The following MCF2L variants were observed in gnomAD, a reference collection of about 807,000 sequenced individuals.
The protein encoded by MCF2L is MCF.2 cell line derived transforming sequence like, also known as guanine nucleotide exchange factor DBS.
A neutral mutation model predicts 153.4 loss-of-function variants in MCF2L; 97 were observed. That is an observed-to-expected ratio of 0.63 (90% confidence interval 0.54 to 0.75). MCF2L has a LOEUF of 0.75. Among genes scored for constraint, MCF2L ranks in the 30% least tolerant of loss-of-function variants. The pLI, the probability that MCF2L is intolerant of heterozygous loss-of-function variation, is 0.00. For synonymous variants in MCF2L, 659 were observed against 632.2 expected, an observed-to-expected ratio of 1.04 and a Z score of -0.64; for missense variants, 1,347 against 1,495.2, an observed-to-expected ratio of 0.90 and a Z score of 1.64.
chr13:113,057,086 CTGAG>C (rs1253161084), intron 4 of MCF2L, among the ~76,000 whole-genome samples: 2 of 129,926 alleles, frequency 1.5e-5, no homozygotes, highest in African/African-American at 6.1e-5. Flanking sequence ...TGTTTTGGTG[CTGAG>C]TGTTTGGGTG....
chr13:113,082,669 G>A lies in MCF2L; in HGVS notation c.1991+127G>A. 4.4e-6 allele frequency: 3 copies of A among 684,176 alleles called. No homozygotes were observed. In the South Asian group the frequency reaches 5.0e-5, roughly 11 times the overall value. 42.4% of individuals were successfully genotyped at this position (684,176 alleles called of 1,614,324 possible). ...GGCTAGGGAGGGGCGCCCAAGGGGT[G>A]GACTCACAGAGGCACAGGCTTGAGT... On this transcript the variant is annotated intron_variant, in intron 17 of 29. Coordinates refer to ENST00000535094, the MANE Select transcript of MCF2L (RefSeq NM_001112732.3).
intron 7 of MCF2L, among the ~76,000 whole-genome samples, chr13:113,065,560 G>A (rs368701935): frequency 2.0e-5 from 3 of 152,258 alleles, no homozygotes; most frequent in East Asian, 1.9e-4. Flanking sequence ...CAGTGCTCAC[G>A]TGTCCACAGC....
At position 112,979,488 on chromosome 13, in the gene MCF2L, C is replaced by T. The variant is rs983014029; in HGVS notation, c.79+10030C>T. 65 of 1,435,984 alleles carry T rather than the reference C, an allele frequency of 4.5e-5. No individual in the cohort carries two copies. The African/African-American group carries it at 7.7e-4, about 17-fold the overall frequency. The allele number at this position is 1,435,984 out of a possible 1,614,324, so 89.0% of individuals were successfully genotyped here. ...TTCTTTCTTGTGAGTTGGCGAAGCC[C>T]AGAGTCACCAGGGTCCTGAGCACCT... On this transcript the variant is annotated intron_variant, in intron 1 of 29. Coordinates refer to ENST00000535094, the MANE Select transcript of MCF2L (RefSeq NM_001112732.3).
chr13:113,063,881 T>C, intron 5 of MCF2L: 1 of 448,886 alleles, frequency 2.2e-6, no homozygotes. Flanking sequence ...AGTTTGAAGA[T>C]GCCGGTGATT....
chr13:113,015,888 T>C (rs2084480449), intron 2 of MCF2L, among the ~76,000 whole-genome samples: 1 of 152,118 alleles, frequency 6.6e-6, no homozygotes, highest in Non-Finnish European at 1.5e-5. Flanking sequence ...GGACCAGGCG[T>C]GGTGATGGCT....
upstream of MCF2L, chr13:112,966,258 TAG>T (rs1398623675): frequency 2.0e-5 from 3 of 152,198 alleles, no homozygotes; most frequent in Admixed American, 6.5e-5. This position sits in a 1 kb window ranked among gnomAD's most constrained non-coding sequence, Gnocchi z 4.1. Flanking sequence ...TAGACAGAGC[TAG>T]AGAGAGACTT....
intron 1 of MCF2L, among the ~76,000 whole-genome samples, chr13:112,980,831 G>T (rs1452814903): frequency 6.6e-6 from 1 of 152,226 alleles, no homozygotes; most frequent in Non-Finnish European, 1.5e-5. Context: ...GAGGGAGGCA[G>T]CCAGGGGCTG....
At chr13:113,002,130 G>T (rs1025015941) in intron 1 of MCF2L, 1 of 998,770 alleles carries the variant, frequency 1.0e-6, no homozygotes. Flanking sequence ...GGATGCCGGG[G>T]ATGGATGTTG....
chr13:112,961,291 A>G (rs1325295308), intron 2 of MCF2L, among the ~76,000 whole-genome samples: 1 of 152,234 alleles, frequency 6.6e-6, no homozygotes, highest in Non-Finnish European at 1.5e-5. Context: ...ACAACTGGGC[A>G]CTAATTTGAA....
rs532375105 is a variant in MCF2L at position 113,060,709 on chromosome 13, G to T, written c.486G>T (p.Val162=). 6.2e-7 allele frequency: 1 copy of T among 1,612,698 alleles called. No homozygotes were observed. The highest frequency in any genetic ancestry group is 1.1e-5 in the South Asian group (1 of 91,084). The change falls in exon 5 of 30, where the codon GTG becomes GTT. Residue 162 remains valine, a synonymous_variant. Coordinates refer to ENST00000535094, the MANE Select transcript of MCF2L (RefSeq NM_001112732.3). ...KFNRDDFKMK[V]PVIMLSSVPD... ...ATAGAGATGACTTTAAGATGAAGGT[G>T]CCGGTAAGTGCGCCCCGCCTCCATC...
At chr13:113,016,839 C>G (rs1317408079) in intron 2 of MCF2L, among the ~76,000 whole-genome samples, 6 of 152,208 alleles carry the variant, frequency 3.9e-5, no homozygotes, top group African/African-American at 1.4e-4. Context: ...CTGCTCCGCC[C>G]CCTTCGTTAC....
chr13:113,015,745 A>G (rs996063589), intron 2 of MCF2L, among the ~76,000 whole-genome samples: 3 of 152,320 alleles, frequency 2.0e-5, no homozygotes, highest in African/African-American at 7.2e-5. Flanking sequence ...TGGCCAGAGG[A>G]GAAGTGCTGT....
intron 2 of MCF2L, among the ~76,000 whole-genome samples, chr13:112,947,743 C>T (rs1461467366): frequency 6.6e-6 from 1 of 152,188 alleles, no homozygotes; most frequent in East Asian, 1.9e-4. Context: ...AGCAGTTCTC[C>T]CAGGCTGGGG....
At chr13:112,948,168 T>G (rs970205390) in intron 2 of MCF2L, among the ~76,000 whole-genome samples, 1 of 152,136 alleles carries the variant, frequency 6.6e-6, no homozygotes, top group African/African-American at 2.4e-5. Flanking sequence ...ACCCTGAAGA[T>G]CTCCGAAATG....
At chr13:112,928,898 C>T (rs550172938) in intron 2 of MCF2L, among the ~76,000 whole-genome samples, 2 of 152,324 alleles carry the variant, frequency 1.3e-5, no homozygotes, top group South Asian at 4.1e-4. Flanking sequence ...TGCGCCTCCT[C>T]CCAGCTGACA....
At chr13:113,006,853 A>T (rs2083734623) in intron 1 of MCF2L, among the ~76,000 whole-genome samples, 1 of 152,176 alleles carries the variant, frequency 6.6e-6, no homozygotes, top group Non-Finnish European at 1.5e-5. Context: ...CTCAGCCCCC[A>T]AGGGCAGGCC....
intron 5 of MCF2L, among the ~76,000 whole-genome samples, chr13:113,061,728 CTCCCCTCCCTCTTCCCTT>C (rs1347208923): frequency 1.5e-5 from 1 of 67,250 alleles, no homozygotes; most frequent in Admixed American, 1.3e-4. Context: ...CCCCCTTGCC[CTCCCCTCCCTCTTCCCTT>C]TCCCCTCCCT....
rs1227507700 is a variant in MCF2L, at chr13:112,907,006, AAC to A, written c.169+4637_169+4638del. Among the ~76,000 whole-genome samples, 1 of 152,204 alleles carries A rather than the reference AAC, an allele frequency of 6.6e-6. No individual in the cohort carries two copies. Among genetic ancestry groups the A allele is most frequent in the Non-Finnish European group, 1.5e-5 (1 of 68,036 alleles). ...TTAGGGTGAAGAAGAGCAGCGAAGA[AAC>A]AGACACATTTGCCGCCTTGGGTGGA... On this transcript the variant is annotated intron_variant, in intron 2 of 29. Transcript: ENST00000375608. The surrounding 1 kb of genome is among the most constrained non-coding windows in gnomAD (Gnocchi z 5.1).
rs567517552 is a variant in MCF2L at position 113,082,620 on chromosome 13, G to C, written c.1991+78G>C. 15 of 1,094,000 alleles carry C rather than the reference G, an allele frequency of 1.4e-5. No homozygotes were observed. In the East Asian group the frequency reaches 3.4e-4, roughly 24 times the overall value. The allele number at this position is 1,094,000 out of a possible 1,614,324, so 67.8% of individuals were successfully genotyped here. A position where few individuals can be genotyped will look rare whatever the true frequency, so the allele number is the denominator to read the frequency against. On this transcript the variant is annotated intron_variant, in intron 17 of 29. Coordinates refer to ENST00000535094, the MANE Select transcript of MCF2L (RefSeq NM_001112732.3). Reference sequence around the variant, plus strand: ...GGTGCTGGCTTCAGGGGGCTGGAATGGGGGTGGAGGCCAGGCCATGCCTGG... The same window carrying C: ...GGTGCTGGCTTCAGGGGGCTGGAATCGGGGTGGAGGCCAGGCCATGCCTGG...
Sources: gnomAD v4.1 joint callset for allele counts (sites outside exome capture counted in the v4.1 genomes callset) on GRCh38, gnomAD v4.1.1 for gene constraint, Gnocchi (gnomAD v3.1) non-coding constraint, MANE v1.5 for transcripts, NCBI Gene and HGNC (gene_info 2026-07-23, HGNC 2026-07-21) for gene names.